CD82: variants seen among roughly 807,000 people sequenced by gnomAD.
The protein encoded by CD82 is CD82 antigen.
CD82 carries 36 observed loss-of-function variants against 37.4 expected under a neutral mutation model. The observed-to-expected ratio is 0.96, with a 90% CI of 0.74 to 1.27. The LOEUF (loss-of-function observed/expected upper bound fraction) is 1.27, where lower values mean the gene tolerates loss of function less well. CD82 is among the 50% of genes most tolerant of loss of function. CD82 has a pLI of 0.00. For missense variants in CD82, 340 were observed against 347.0 expected (o/e 0.98, Z 0.16); for synonymous variants, 158 against 137.4 (o/e 1.15, Z -1.05).
intron 3 of CD82, among the ~76,000 whole-genome samples, chr11:44,599,221 C>A (rs577152567): frequency 1.7e-4 from 26 of 152,364 alleles, no homozygotes; most frequent in African/African-American, 6.3e-4. Flanking sequence ...CAGTTCACTG[C>A]AGCCTTGACT....
At chr11:44,599,250 CCT>C (rs1299046169) in intron 3 of CD82, among the ~76,000 whole-genome samples, 1 of 152,192 alleles carries the variant, frequency 6.6e-6, no homozygotes, top group Non-Finnish European at 1.5e-5. Context: ...GCCAAGTGAT[CCT>C]CTCTTCTCAG....
chr11:44,596,097 C>T (rs1227520242), intron 3 of CD82, among the ~76,000 whole-genome samples: 2 of 152,206 alleles, frequency 1.3e-5, no homozygotes, highest in Non-Finnish European at 2.9e-5. Context: ...CTAGCTCCCT[C>T]CTGGAGGACC....
At chr11:44,590,373 C>T (rs552873998) in intron 2 of CD82, among the ~76,000 whole-genome samples, 4 of 151,606 alleles carry the variant, frequency 2.6e-5, no homozygotes, top group Admixed American at 1.3e-4. Context: ...CTTTAGGAGG[C>T]CGAGGCAGGT....
intron 2 of CD82, among the ~76,000 whole-genome samples, chr11:44,588,546 A>G (rs1369821140): frequency 1.3e-5 from 2 of 152,180 alleles, no homozygotes; most frequent in Non-Finnish European, 2.9e-5. Flanking sequence ...TATCTTTGTC[A>G]TTTCACCAAT....
rs1178482808 is a variant in CD82 at position 44,600,184 on chromosome 11, C to T, written c.90C>T (p.Phe30=). 4.3e-6 allele frequency: 7 copies of T among 1,613,980 alleles called. No homozygotes were observed. Among genetic ancestry groups the T allele is most frequent in the African/African-American group, 4.0e-5 (3 of 74,904 alleles). ...TCCTGGGCGCAGTGATCCTGGGCTT[C>T]GGGGTGTGGATCCTGGCCGACAAGA... ...FFILGAVILG[F]GVWILADKSS... The change falls in exon 4 of 10, where the codon TTC becomes TTT. Residue 30 remains phenylalanine, a synonymous_variant. Transcript: ENST00000227155.
chr11:44,609,615 G>A (rs1390567013), intron 6 of CD82, among the ~76,000 whole-genome samples: 1 of 152,184 alleles, frequency 6.6e-6, no homozygotes, highest in Admixed American at 6.5e-5. Context: ...TTGTTGGTGC[G>A]CACATACCCT....
At chr11:44,569,778 A>G (rs1852789005) in intron 1 of CD82, among the ~76,000 whole-genome samples, 1 of 152,182 alleles carries the variant, frequency 6.6e-6, no homozygotes. Context: ...ATGATGGTAC[A>G]GCATGGCGGT....
chr11:44,596,768 A>C (rs1008240208), intron 3 of CD82: 2 of 387,360 alleles, frequency 5.2e-6, no homozygotes, highest in African/African-American at 4.2e-5. Context: ...CTCCTCAGCA[A>C]ATGTGTATCT....
chr11:44,583,547 C>T (rs962963864), intron 1 of CD82, among the ~76,000 whole-genome samples: 5 of 152,058 alleles, frequency 3.3e-5, no homozygotes, highest in Admixed American at 6.6e-5. Flanking sequence ...AGGCAGCAGG[C>T]GGCAGAGGTG....
At chr11:44,585,081 A>G in intron 1 of CD82, 1 of 401,114 alleles carries the variant, frequency 2.5e-6, no homozygotes, top group Non-Finnish European at 5.0e-6. Flanking sequence ...CACAGCCTGG[A>G]GGCTAGAGGC....
intron 2 of CD82, among the ~76,000 whole-genome samples, chr11:44,591,541 G>A (rs1023053052): frequency 6.6e-6 from 1 of 152,194 alleles, no homozygotes; most frequent in Non-Finnish European, 1.5e-5. Flanking sequence ...AGGAAACCCA[G>A]CCGTCCCCAA....
At chr11:44,566,623 A>G (rs1422890916) in intron 1 of CD82, among the ~76,000 whole-genome samples, 1 of 152,154 alleles carries the variant, frequency 6.6e-6, no homozygotes, top group Non-Finnish European at 1.5e-5. Context: ...CAGTTTCCTC[A>G]CCTGTAAAAT....
chr11:44,593,195 C>T (rs1458258370), intron 2 of CD82, among the ~76,000 whole-genome samples: 3 of 152,354 alleles, frequency 2.0e-5, no homozygotes, highest in Non-Finnish European at 2.9e-5. Context: ...GAGTAGGGAA[C>T]CTGTGTGTAG....
At chr11:44,604,878 G>A (rs1853365069) in intron 4 of CD82, 180 bp from the exon 5 acceptor site, 3 of 737,454 alleles carry the variant, frequency 4.1e-6, no homozygotes, top group African/African-American at 1.7e-5. Flanking sequence ...ACTGGGGGAG[G>A]GACACAAGTG....
At chr11:44,603,806 G>C (rs1853349552) in intron 4 of CD82, among the ~76,000 whole-genome samples, 1 of 152,178 alleles carries the variant, frequency 6.6e-6, no homozygotes, top group Non-Finnish European at 1.5e-5. Context: ...CCTGTCCACA[G>C]GTAGCTCTAA....
intron 6 of CD82, among the ~76,000 whole-genome samples, chr11:44,612,309 A>C (rs1181976095): frequency 6.6e-6 from 1 of 152,256 alleles, no homozygotes; most frequent in Non-Finnish European, 1.5e-5. Flanking sequence ...ACTTTGGGCA[A>C]GTTAATTAAC....
At chr11:44,593,931 G>T (rs368388179) in intron 2 of CD82, among the ~76,000 whole-genome samples, 2 of 151,892 alleles carry the variant, frequency 1.3e-5, no homozygotes, top group East Asian at 3.9e-4. Context: ...ATTGTAGAAT[G>T]AAAAAAACAG....
At chr11:44,575,223 T>C (rs1293584281) in intron 1 of CD82, among the ~76,000 whole-genome samples, 2 of 152,296 alleles carry the variant, frequency 1.3e-5, no homozygotes, top group African/African-American at 2.4e-5. Flanking sequence ...GAAAGGCAGA[T>C]AGATATAGGG....
intron 3 of CD82, 83 bp downstream of exon 3, chr11:44,594,808 G>A (rs564659445): frequency 4.3e-6 from 5 of 1,165,206 alleles, no homozygotes; most frequent in Middle Eastern, 1.9e-4. Context: ...TTCCAGAGCC[G>A]ACCGGGCCGG....
Sources: allele counts gnomAD v4.1 joint callset (sites outside exome capture counted in the v4.1 genomes callset), GRCh38; gene constraint gnomAD v4.1.1; transcripts MANE v1.5; gene names NCBI Gene and HGNC (gene_info 2026-07-23, HGNC 2026-07-21).